Variants in ZNF385B observed in about 807,000 individuals in gnomAD.
ZNF385B encodes zinc finger protein 385B.
ZNF385B carries 23 observed loss-of-function variants against 39.2 expected under a neutral mutation model. The ratio of observed to expected loss-of-function variants is 0.59; its 90% CI spans 0.42 to 0.83. ZNF385B has a LOEUF of 0.83. Among genes scored for constraint, ZNF385B ranks in the 40% least tolerant of loss-of-function variants. ZNF385B has a pLI of 0.00. For missense variants in ZNF385B, 552 were observed against 598.9 expected, an observed-to-expected ratio of 0.92 and a Z score of 0.82; for synonymous variants, 205 against 222.6, an observed-to-expected ratio of 0.92 and a Z score of 0.70.
chr2:179,716,195 C>T (rs891987556), intron 3 of ZNF385B, among the ~76,000 whole-genome samples: 1 of 152,256 alleles, frequency 6.6e-6, no homozygotes, highest in East Asian at 1.9e-4. Flanking sequence ...CCAGTCAATG[C>T]TCTAGTGACA....
chr2:179,565,312 AT>A (rs2105976395), intron 3 of ZNF385B, among the ~76,000 whole-genome samples: 1 of 152,328 alleles, frequency 6.6e-6, no homozygotes, highest in South Asian at 2.1e-4. Context: ...ACAAGTAGGA[AT>A]AAAACAGTAA....
At chr2:179,859,367 A>T (rs569435769) in intron 1 of ZNF385B, among the ~76,000 whole-genome samples, 1 of 152,318 alleles carries the variant, frequency 6.6e-6, no homozygotes, top group South Asian at 2.1e-4. Context: ...CATTTTTTTC[A>T]ATATAGATGA....
At chr2:179,811,973 G>A (rs1706761511) in intron 1 of ZNF385B, among the ~76,000 whole-genome samples, 1 of 152,092 alleles carries the variant, frequency 6.6e-6, no homozygotes, top group African/African-American at 2.4e-5. Flanking sequence ...ATTTAAAAAT[G>A]GGCAAAAGAC....
At chr2:179,537,432 T>C (rs2059647420) in intron 4 of ZNF385B, among the ~76,000 whole-genome samples, 1 of 151,668 alleles carries the variant, frequency 6.6e-6, no homozygotes, top group African/African-American at 2.4e-5. Context: ...ACATACTTTT[T>C]CTCTCTGTCA....
intron 3 of ZNF385B, among the ~76,000 whole-genome samples, chr2:179,683,281 T>G (rs974707864): frequency 1.3e-5 from 2 of 151,730 alleles, no homozygotes; most frequent in African/African-American, 4.8e-5. Context: ...TCGCAGCTAC[T>G]CAGGAGGCTG....
chr2:179,454,196 T>C (rs567618082), intron 6 of ZNF385B, among the ~76,000 whole-genome samples: 2 of 152,314 alleles, frequency 1.3e-5, no homozygotes, highest in East Asian at 3.9e-4. Context: ...ATGTGTCACA[T>C]AATGACATTT....
At chr2:179,490,306 TACACACACAAACACACACACACAC>T (rs2055071414) in intron 5 of ZNF385B, among the ~76,000 whole-genome samples, 1 of 144,116 alleles carries the variant, frequency 6.9e-6, no homozygotes, top group Middle Eastern at 3.6e-3. Context: ...ATATGAGCAT[TACACACACAAACACACACACACAC>T]ACACACACAT....
intron 3 of ZNF385B, among the ~76,000 whole-genome samples, chr2:179,671,766 C>G (rs958385081): frequency 7.2e-5 from 11 of 152,212 alleles, no homozygotes; most frequent in African/African-American, 2.2e-4. Flanking sequence ...TCCCCAGCTG[C>G]CCCAGATGTA....
chr2:179,757,728 A>C (rs553983949), intron 3 of ZNF385B, among the ~76,000 whole-genome samples: 2 of 152,112 alleles, frequency 1.3e-5, no homozygotes, highest in Non-Finnish European at 2.9e-5. Context: ...GCTAGCAATG[A>C]GCGAGGCTCC....
Position 179,483,352 on chromosome 2 carries a change from A to C in ZNF385B, c.635T>G (p.Met212Arg), listed in dbSNP as rs199744235. Residue 212 changes from methionine to arginine, a missense_variant, in exon 6 of 10, where the codon ATG becomes AGG. Transcript: ENST00000410066. Reference sequence around the variant, plus strand: ...CTTTGCGCTGTCCTTGGAAGGAACCATTTTGGGTTTATTTTTCGTTGCGTC... The same window carrying C: ...CTTTGCGCTGTCCTTGGAAGGAACCCTTTTGGGTTTATTTTTCGTTGCGTC... ...ALDATKNKPK[M>R]VPSKDSAKAN... 3.7e-6 allele frequency: 6 copies of C among 1,613,940 alleles called. 1 individual carries two copies. The South Asian group carries it at 5.5e-5, about 15-fold the overall frequency.
At chr2:179,512,157 G>T (rs1268959647) in intron 5 of ZNF385B, among the ~76,000 whole-genome samples, 2 of 151,946 alleles carry the variant, frequency 1.3e-5, no homozygotes, top group African/African-American at 4.8e-5. Context: ...AGATCACCAT[G>T]CTTTCATTTT....
intron 4 of ZNF385B, among the ~76,000 whole-genome samples, chr2:179,543,041 G>A (rs1180860463): frequency 2.0e-5 from 3 of 152,170 alleles, no homozygotes; most frequent in Non-Finnish European, 4.4e-5. Flanking sequence ...GGAGGCCGAG[G>A]AGGGTGAATC....
At chr2:179,524,029 C>T (rs1574600740) in intron 4 of ZNF385B, among the ~76,000 whole-genome samples, 1 of 151,968 alleles carries the variant, frequency 6.6e-6, no homozygotes, top group East Asian at 1.9e-4. Flanking sequence ...AACTTCTGGC[C>T]TCATGTGATC....
chr2:179,856,306 G>A (rs1434006342), intron 1 of ZNF385B, among the ~76,000 whole-genome samples: 2 of 152,018 alleles, frequency 1.3e-5, no homozygotes, highest in African/African-American at 2.4e-5. Flanking sequence ...CATCAGCACC[G>A]GGATCATCAG....
At chr2:179,545,443 T>A (rs947962170) in intron 3 of ZNF385B, among the ~76,000 whole-genome samples, 2 of 152,288 alleles carry the variant, frequency 1.3e-5, no homozygotes, top group South Asian at 4.1e-4. Flanking sequence ...TGAACCTGTA[T>A]AGTTACTGTC....
chr2:179,480,803 G>A (rs1165140560), intron 6 of ZNF385B: 5 of 151,386 alleles, frequency 3.3e-5, no homozygotes, highest in African/African-American at 1.2e-4. Flanking sequence ...ACCAAACACA[G>A]AGAAACAAAA....
At chr2:179,458,423 T>G (rs962782862) in intron 6 of ZNF385B, among the ~76,000 whole-genome samples, 4 of 152,242 alleles carry the variant, frequency 2.6e-5, no homozygotes, top group Admixed American at 2.6e-4. Flanking sequence ...ATTAAATGTC[T>G]TTCATTTATA....
At chr2:179,757,594 C>T (rs1233196870) in intron 3 of ZNF385B, among the ~76,000 whole-genome samples, 1 of 152,196 alleles carries the variant, frequency 6.6e-6, no homozygotes, top group Non-Finnish European at 1.5e-5. Flanking sequence ...CCTCCTTGAA[C>T]TGCAGCGGGC....
At chr2:179,609,916 T>G (rs1394219977) in intron 3 of ZNF385B, among the ~76,000 whole-genome samples, 1 of 152,212 alleles carries the variant, frequency 6.6e-6, no homozygotes, top group Non-Finnish European at 1.5e-5. Context: ...TTAATCAGAA[T>G]TTTTCTATAG....
Sources: gnomAD v4.1 joint callset for allele counts (sites outside exome capture counted in the v4.1 genomes callset) on GRCh38, gnomAD v4.1.1 for gene constraint, MANE v1.5 for transcripts, NCBI Gene and HGNC (gene_info 2026-07-23, HGNC 2026-07-21) for gene names.